Variants in POTEB3 observed in about 807,000 individuals in gnomAD.
POTEB3 encodes the protein ANKRD26-like family B member 1.
Under a neutral mutation model 39.8 loss-of-function variants are expected in POTEB3, and 5 were observed. That is an observed-to-expected ratio of 0.13 (90% confidence interval 0.07 to 0.26). The LOEUF (loss-of-function observed/expected upper bound fraction) is 0.26. Among genes scored for constraint, POTEB3 ranks in the 10% least tolerant of loss-of-function variants. The pLI is 1.00. For missense variants in POTEB3, 24 were observed against 475.6 expected (o/e 0.05, Z 8.83); for synonymous variants, 5 against 161.5 (o/e 0.03, Z 7.35).
intron 10 of POTEB3, among the ~76,000 whole-genome samples, chr15:21,409,808 A>G (rs2141342250): frequency 9.5e-6 from 1 of 105,720 alleles, no homozygotes; most frequent in South Asian, 2.4e-4. Flanking sequence ...TTAAAAGGAG[A>G]GATCAAAAAA....
intron 9 of POTEB3, among the ~76,000 whole-genome samples, chr15:21,417,526 TC>T (rs1898426601): frequency 1.3e-5 from 1 of 74,548 alleles, no homozygotes. Context: ...AGGTGTTAAA[TC>T]TTAAAACTAT....
At chr15:21,414,292 T>A (rs1352263082) in intron 9 of POTEB3, among the ~76,000 whole-genome samples, 2 of 118,726 alleles carry the variant, frequency 1.7e-5, no homozygotes, top group Non-Finnish European at 3.3e-5. Flanking sequence ...TTTTAAGGAA[T>A]AAATTATACA....
At chr15:21,434,050 C>T (rs1899088471) in intron 3 of POTEB3, among the ~76,000 whole-genome samples, 1 of 136,602 alleles carries the variant, frequency 7.3e-6, no homozygotes, top group Non-Finnish European at 1.6e-5. Context: ...CACACACACA[C>T]ACACACACAC....
rs1899233256 is a variant in POTEB3 at position 21,440,381 on chromosome 15, C to T, written c.-370G>A. On this transcript the variant is annotated 5_prime_UTR_variant, in exon 1 of 11. Transcript: ENST00000611217. ...AAGCAAGAAACACCAGGCAAAGCTACTAACAGCCAAGCCAAGCTAGGAACG... is the reference window on the plus strand; with the variant it reads ...AAGCAAGAAACACCAGGCAAAGCTATTAACAGCCAAGCCAAGCTAGGAACG... 1.2e-5 allele frequency: 4 copies of T among 340,974 alleles called. No individual in the cohort carries two copies. The highest frequency in any genetic ancestry group is 5.5e-5 in the Admixed American group (1 of 18,022). 21.1% of individuals were successfully genotyped at this position (340,974 alleles called of 1,614,324 possible). A position where few individuals can be genotyped will look rare whatever the true frequency, so the allele number is the denominator to read the frequency against.
At position 21,414,214 on chromosome 15, in the gene POTEB3, A is replaced by G. The variant is rs1247545441; in HGVS notation, c.1410-3213T>C. 8.9e-5 allele frequency among the ~76,000 whole-genome samples: 7 copies of G among 78,386 alleles called. 1 individual carries two copies. The East Asian group carries it at 2.0e-3, about 23-fold the overall frequency. The allele number at this position is 78,386 out of a possible 152,430, so 51.4% of individuals were successfully genotyped here. ...ACTGACAAAGAGATTAAAATCTCCT[A>G]CTGGAGATTATGTTAGGACTTGAGC... is the stretch of plus-strand genomic sequence containing the variant. On this transcript the variant is annotated intron_variant, in intron 9 of 10. Transcript: ENST00000611217.
Position 21,419,901 on chromosome 15 carries a change from C to T in POTEB3, c.1243-271G>A, listed in dbSNP as rs1389134618. On this transcript the variant is annotated intron_variant, in intron 8 of 10. Transcript: ENST00000611217. ...AATTTTCCAAAATTCAAAAAGGGCC[C>T]TCCTTCATTTTGTGCTTTTATTCCC... is the stretch of plus-strand genomic sequence containing the variant. Among the ~76,000 whole-genome samples the T allele has an allele frequency of 3.0e-5, 4 of 134,198 alleles. No individual in the cohort carries two copies. In the East Asian group the frequency reaches 6.3e-4, roughly 21 times the overall value. 88.0% of individuals were successfully genotyped at this position (134,198 alleles called of 152,430 possible).
In POTEB3 at chr15:21,406,303, C is replaced by T. The variant is rs1898224451; in HGVS notation, c.*2680G>A. 1.4e-5 allele frequency: 1 copy of T among 69,436 alleles called. No homozygotes were observed. The highest frequency in any genetic ancestry group is 3.5e-4 in the South Asian group (1 of 2,892). 4.3% of individuals were successfully genotyped at this position (69,436 alleles called of 1,614,324 possible). A position where few individuals can be genotyped will look rare whatever the true frequency, so the allele number is the denominator to read the frequency against. ...GCACATGAGATGGAGCTGGTCTGACCTCAGCCCTCCCTAGTCTGCTTGCCT... is the reference window on the plus strand; with the variant it reads ...GCACATGAGATGGAGCTGGTCTGACTTCAGCCCTCCCTAGTCTGCTTGCCT... On this transcript the variant is annotated 3_prime_UTR_variant, in exon 11 of 11. Transcript: ENST00000611217.
At chr15:21,409,838 T>G (rs1898287547) in intron 10 of POTEB3, among the ~76,000 whole-genome samples, 1 of 106,544 alleles carries the variant, frequency 9.4e-6, no homozygotes, top group Non-Finnish European at 1.8e-5. Context: ...CCAGGACCAG[T>G]GGCTCACACC....
At chr15:21,410,003 A>G (rs1342627228) in intron 10 of POTEB3, among the ~76,000 whole-genome samples, 1 of 93,248 alleles carries the variant, frequency 1.1e-5, no homozygotes, top group Non-Finnish European at 2.0e-5. Context: ...ACACACACAC[A>G]TATATATATG....
At chr15:21,430,977 G>C (rs1898939282) in intron 4 of POTEB3, among the ~76,000 whole-genome samples, 1 of 151,354 alleles carries the variant, frequency 6.6e-6, no homozygotes, top group Non-Finnish European at 1.5e-5. Context: ...ACAACATATT[G>C]GGTGGTAAAT....
At chr15:21,434,093 T>C (rs1286304547) in intron 3 of POTEB3, among the ~76,000 whole-genome samples, 1 of 141,010 alleles carries the variant, frequency 7.1e-6, no homozygotes, top group African/African-American at 2.8e-5. Flanking sequence ...AAAAAAAACC[T>C]CTTCATGGTC....
intron 3 of POTEB3, among the ~76,000 whole-genome samples, chr15:21,434,088 A>T (rs1899094245): frequency 1.4e-5 from 2 of 142,516 alleles, no homozygotes; most frequent in Admixed American, 6.9e-5. Flanking sequence ...AACAAAAAAA[A>T]AACCTCTTCA....
intron 6 of POTEB3, chr15:21,425,144 G>C (rs1898634782): frequency 7.1e-6 from 1 of 140,848 alleles, no homozygotes; most frequent in African/African-American, 2.7e-5. Context: ...TTTGTCTCCT[G>C]GTTTCTTTAC....
intron 9 of POTEB3, among the ~76,000 whole-genome samples, chr15:21,414,334 A>G (rs1459118784): frequency 8.1e-6 from 1 of 123,694 alleles, no homozygotes; most frequent in Non-Finnish European, 1.6e-5. Context: ...AGGAAAACAG[A>G]TCTTCCTGAG....
intron 9 of POTEB3, among the ~76,000 whole-genome samples, chr15:21,415,327 GA>G (rs1898398762): frequency 1.5e-5 from 1 of 68,352 alleles, no homozygotes; most frequent in South Asian, 3.5e-4. Context: ...TTTAAAGTGA[GA>G]ATTAATCAAA....
intron 9 of POTEB3, among the ~76,000 whole-genome samples, chr15:21,412,846 A>AAAATAAAT (rs55817356): frequency 2.8e-4 from 12 of 43,260 alleles, no homozygotes; most frequent in African/African-American, 4.5e-4. Context: ...AACAAAAATA[A>AAAATAAAT]AAATAAATAA....
rs3852654 is a variant in POTEB3, at chr15:21,434,718, A to G, written c.753T>C (p.Asp251=). ...TALHYAIYNE[D]KLMAKALLLY... is the part of the protein sequence containing the mutation. ...AGAGCAGTGCTTTGGCCATTAATTT[A>G]TCTTCATTGTAGATAGCATAGTGTA... Residue 251 remains aspartate (D), a synonymous_variant, in exon 3 of 11, where the codon GAT becomes GAC. Transcript: ENST00000611217. The G allele has an allele frequency of 0.028, 1,819 of 65,380 alleles. No individual in the cohort carries two copies. The highest frequency in any genetic ancestry group is 0.082 in the South Asian group (328 of 3,984). The allele number at this position is 65,380 out of a possible 1,614,324, so 4.0% of individuals were successfully genotyped here.
At chr15:21,422,750 G>A (rs1372921228) in intron 6 of POTEB3, among the ~76,000 whole-genome samples, 3 of 151,406 alleles carry the variant, frequency 2.0e-5, no homozygotes, top group African/African-American at 7.3e-5. Flanking sequence ...CATATATTTT[G>A]CAAATTCTTG....
rs1898419521 is a variant in POTEB3, at chr15:21,417,116, C to T, written c.1409+2348G>A. On this transcript the variant is annotated intron_variant, in intron 9 of 10. Transcript: ENST00000611217. ...AGGTCCTGAAAGCCAGTGAAGATGC[C>T]GTTAGGGAGGAGATGCCCTCCATTG... Among the ~76,000 whole-genome samples, 3 of 75,128 alleles carry T rather than the reference C, an allele frequency of 4.0e-5. 1 individual carries two copies. Among genetic ancestry groups the T allele is most frequent in the East Asian group, 3.7e-4 (1 of 2,736 alleles). 49.3% of individuals were successfully genotyped at this position (75,128 alleles called of 152,430 possible).
Sources: gnomAD v4.1 joint callset for allele counts (sites outside exome capture counted in the v4.1 genomes callset) on GRCh38, gnomAD v4.1.1 for gene constraint, MANE v1.5 for transcripts, NCBI Gene and HGNC (gene_info 2026-07-23, HGNC 2026-07-21) for gene names.